CCDC126: variants seen among roughly 807,000 people sequenced by gnomAD.
The protein encoded by CCDC126 is coiled-coil domain-containing protein 126.
Under a neutral mutation model 11.7 loss-of-function variants are expected in CCDC126, and 5 were observed. The ratio of observed to expected loss-of-function variants is 0.43; its 90% CI spans 0.22 to 0.90. The LOEUF (loss-of-function observed/expected upper bound fraction) is 0.90. Ranked by LOEUF, CCDC126 falls within the 40% of genes least tolerant of loss-of-function variation. The pLI is 0.27. For missense variants in CCDC126, 150 were observed against 163.1 expected (o/e 0.92, Z 0.44); for synonymous variants, 60 against 61.9 (o/e 0.97, Z 0.14).
intron 3 of CCDC126, among the ~76,000 whole-genome samples, chr7:23,638,641 G>A (rs868806296): frequency 2.9e-4 from 34 of 115,732 alleles, no homozygotes; most frequent in Middle Eastern, 4.3e-3. Context: ...TTTATCTGCT[G>A]ACCTTCCCTC....
intron 2 of CCDC126, among the ~76,000 whole-genome samples, chr7:23,599,314 C>T (rs555799202): frequency 6.6e-6 from 1 of 152,274 alleles, no homozygotes; most frequent in South Asian, 2.1e-4. Context: ...GCTCCTTCTG[C>T]CAACTGCCTG....
chr7:23,636,795 G>T (rs1783231552), intron 3 of CCDC126, among the ~76,000 whole-genome samples: 1 of 131,598 alleles, frequency 7.6e-6, no homozygotes, highest in Non-Finnish European at 1.6e-5. Context: ...CCCCCGCCCG[G>T]CCAGCCGCCC....
At chr7:23,628,072 A>G (rs1783044654) in intron 3 of CCDC126, among the ~76,000 whole-genome samples, 1 of 152,196 alleles carries the variant, frequency 6.6e-6, no homozygotes, top group African/African-American at 2.4e-5. Context: ...AAACAGTGTT[A>G]TAAGCATTTT....
rs1783426363 is a variant in CCDC126 at position 23,644,537 on chromosome 7, T to A, written c.*1422T>A. The A allele has an allele frequency of 6.6e-6, 1 of 152,564 alleles. No individual in the cohort carries two copies. Among genetic ancestry groups the A allele is most frequent in the Admixed American group, 6.5e-5 (1 of 15,272 alleles). The allele number at this position is 152,564 out of a possible 1,614,324, so 9.5% of individuals were successfully genotyped here. On this transcript the variant is annotated 3_prime_UTR_variant, in exon 4 of 4. Coordinates refer to ENST00000307471, the MANE Select transcript of CCDC126 (RefSeq NM_138771.4). ...AATATTGTTTCATGAAAGACAGATT[T>A]CCAAATCTCTCTTCTCTTCTCTGTA...
chr7:23,607,176 A>G (rs1782637844), intron 2 of CCDC126, among the ~76,000 whole-genome samples: 1 of 152,196 alleles, frequency 6.6e-6, no homozygotes, highest in African/African-American at 2.4e-5. Context: ...TTAAGTGATT[A>G]ATAGAAAATT....
At position 23,611,516 on chromosome 7, in the gene CCDC126, A is replaced by G. The variant is rs373695609; in HGVS notation, c.201A>G (p.Thr67=). ...CTCTAGCAGAGGAAAATAAGAACAC[A>G]GTGGATGTCGAGAACGGTGCTTCTA... ...VKALAEENKN[T]VDVENGASMA... is the part of the protein sequence containing the mutation. Residue 67 remains threonine, a synonymous_variant, in exon 3 of 4, where the codon ACA becomes ACG. Coordinates refer to ENST00000307471, the MANE Select transcript of CCDC126 (RefSeq NM_138771.4). The G allele has an allele frequency of 1.3e-5, 21 of 1,613,744 alleles. No homozygotes were observed. In the African/African-American group the frequency reaches 2.1e-4, roughly 16 times the overall value.
At chr7:23,638,068 A>G (rs1333735042) in intron 3 of CCDC126, among the ~76,000 whole-genome samples, 1 of 131,478 alleles carries the variant, frequency 7.6e-6, no homozygotes, top group Non-Finnish European at 1.7e-5. Flanking sequence ...CTGCCTGGCC[A>G]GCCGCCCCGT....
chr7:23,641,061 T>C (rs558620010), intron 3 of CCDC126, among the ~76,000 whole-genome samples: 1 of 151,554 alleles, frequency 6.6e-6, no homozygotes, highest in East Asian at 1.9e-4. Flanking sequence ...GGCAATTTTA[T>C]GTTTAAGTTT....
chr7:23,606,545 T>C (rs1453856317), intron 2 of CCDC126, among the ~76,000 whole-genome samples: 1 of 152,138 alleles, frequency 6.6e-6, no homozygotes, highest in Non-Finnish European at 1.5e-5. Flanking sequence ...AGGAATCCAC[T>C]TGGAGGTGGT....
chr7:23,638,863 C>CAAAAAAAAAAAAAA (rs61374394), intron 3 of CCDC126, among the ~76,000 whole-genome samples: 5 of 108,578 alleles, frequency 4.6e-5, no homozygotes, highest in African/African-American at 1.4e-4. Context: ...AATAAATTAA[C>CAAAAAAAAAAAAAA]AAAAAAAAAA....
At chr7:23,621,582 G>T (rs1584205200) in intron 3 of CCDC126, among the ~76,000 whole-genome samples, 3 of 152,236 alleles carry the variant, frequency 2.0e-5, no homozygotes, top group East Asian at 1.9e-4. Flanking sequence ...TCTTTCTCCT[G>T]CCTGATTGCC....
chr7:23,619,275 G>A (rs547373695), intron 3 of CCDC126: 32 of 216,232 alleles, frequency 1.5e-4, no homozygotes, highest in African/African-American at 4.7e-4. Flanking sequence ...TCACCATGGC[G>A]CAGGTTTACC....
intron 3 of CCDC126, among the ~76,000 whole-genome samples, chr7:23,618,561 TTA>T (rs529498672): frequency 0.18 from 25,088 of 138,018 alleles, 2,330 homozygotes; most frequent in Non-Finnish European, 0.24. Flanking sequence ...TTTTTTTTTT[TTA>T]AATTTGAGAC....
At chr7:23,638,377 A>G (rs1398765495) in intron 3 of CCDC126, among the ~76,000 whole-genome samples, 1 of 98,156 alleles carries the variant, frequency 1.0e-5, no homozygotes, top group Non-Finnish European at 2.0e-5. Flanking sequence ...ACTAAGAAAA[A>G]TTCTTCTGCC....
At chr7:23,612,867 T>C (rs1185666181) in intron 3 of CCDC126, among the ~76,000 whole-genome samples, 1 of 152,206 alleles carries the variant, frequency 6.6e-6, no homozygotes, top group East Asian at 1.9e-4. Flanking sequence ...CATTACTGGG[T>C]CCTGTTGTGT....
intron 3 of CCDC126, among the ~76,000 whole-genome samples, chr7:23,639,120 A>G (rs73077163): frequency 0.093 from 14,176 of 151,980 alleles, 813 homozygotes; most frequent in East Asian, 0.16. Flanking sequence ...TACAGAAAAA[A>G]TTTAAAAATT....
intron 3 of CCDC126, among the ~76,000 whole-genome samples, chr7:23,630,509 A>G (rs1056435552): frequency 5.0e-5 from 7 of 140,228 alleles, no homozygotes; most frequent in South Asian, 4.6e-4. Flanking sequence ...CAATCAATCA[A>G]TCAATCATCC....
intron 3 of CCDC126, among the ~76,000 whole-genome samples, chr7:23,640,262 C>T (rs1290352680): frequency 3.3e-5 from 5 of 151,890 alleles, no homozygotes; most frequent in African/African-American, 1.2e-4. Flanking sequence ...CTTTGGGAGG[C>T]CGAGGCAGGC....
At chr7:23,605,399 TTGTGTGTGTGTG>T (rs3219575) in intron 2 of CCDC126, among the ~76,000 whole-genome samples, 15,937 of 148,806 alleles carry the variant, frequency 0.11, 1,257 homozygotes, top group African/African-American at 0.22. Flanking sequence ...TGTGATATGC[TTGTGTGTGTGTG>T]TGTGTGTGTG....
Sources: allele counts gnomAD v4.1 joint callset (sites outside exome capture counted in the v4.1 genomes callset), GRCh38; gene constraint gnomAD v4.1.1; transcripts MANE v1.5; gene names NCBI Gene and HGNC (gene_info 2026-07-23, HGNC 2026-07-21).